The following ICA1 variants were observed in gnomAD, a reference collection of about 807,000 sequenced individuals.
ICA1 encodes 69 kDa islet cell autoantigen.
Under a neutral mutation model 71.0 loss-of-function variants are expected in ICA1, and 40 were observed. The ratio of observed to expected loss-of-function variants is 0.56; its 90% CI spans 0.44 to 0.73. ICA1 has a LOEUF of 0.73. Among genes scored for constraint, ICA1 ranks in the 30% least tolerant of loss-of-function variants. The pLI is 0.00. For synonymous variants in ICA1, 207 were observed against 209.5 expected, an observed-to-expected ratio of 0.99 and a Z score of 0.10; for missense variants, 578 against 576.5, an observed-to-expected ratio of 1.00 and a Z score of -0.03.
intron 1 of ICA1, among the ~76,000 whole-genome samples, chr7:8,256,512 A>G (rs1385997456): frequency 6.6e-6 from 1 of 152,002 alleles, no homozygotes; most frequent in Non-Finnish European, 1.5e-5. Context: ...CCTTTGTCTG[A>G]TTGCCTAACT....
chr7:8,138,906 A>T (rs1352816370), intron 11 of ICA1, 25 bp from the exon 12 acceptor site: 2 of 1,602,982 alleles, frequency 1.2e-6, no homozygotes, highest in South Asian at 2.2e-5. Context: ...AAAGAAAACA[A>T]AATTATAAGT....
At chr7:8,154,671 T>A (rs1305683389) in intron 8 of ICA1, among the ~76,000 whole-genome samples, 1 of 152,174 alleles carries the variant, frequency 6.6e-6, no homozygotes, top group African/African-American at 2.4e-5. Flanking sequence ...CAGAGTGCCA[T>A]TCAGAATAAA....
chr7:8,143,785 G>C, intron 9 of ICA1, 90 bp downstream of exon 9: 2 of 788,284 alleles, frequency 2.5e-6, no homozygotes, highest in Non-Finnish European at 4.4e-6. Flanking sequence ...ACAAGTCTGC[G>C]TCTGAGGCCC....
In ICA1 at chr7:8,216,923, C is replaced by G. The variant is rs148325854; in HGVS notation, c.579+1382G>C. 3.1e-3 allele frequency among the ~76,000 whole-genome samples: 479 copies of G among 152,350 alleles called. 3 individuals are homozygous for G. Among genetic ancestry groups the G allele is most frequent in the African/African-American group, 0.011 (462 of 41,578 alleles). ...TACAAATGATAAGCACTCTGCCCTG[C>G]AGGCAATTTTTTTCACCCTCTTCAT... is the stretch of plus-strand genomic sequence containing the variant. On this transcript the variant is annotated intron_variant, in intron 6 of 13. Transcript: ENST00000402384.
chr7:8,155,782 G>A (rs1801278617), intron 8 of ICA1, among the ~76,000 whole-genome samples: 1 of 152,114 alleles, frequency 6.6e-6, no homozygotes, highest in African/African-American at 2.4e-5. Context: ...TAACCAATCT[G>A]CCTTGGTCAG....
chr7:8,195,573 A>G (rs1386817060), intron 6 of ICA1, among the ~76,000 whole-genome samples: 1 of 151,948 alleles, frequency 6.6e-6, no homozygotes, highest in African/African-American at 2.4e-5. Flanking sequence ...AACAAAAACA[A>G]AAACAAAAAC....
At position 8,158,993 on chromosome 7, in the gene ICA1, T is replaced by C. The variant is rs115215057; in HGVS notation, c.580-341A>G. Among the ~76,000 whole-genome samples, 1,286 of 152,316 alleles carry C rather than the reference T, an allele frequency of 8.4e-3. 20 individuals carry two copies. The highest frequency in any genetic ancestry group is 0.029 in the African/African-American group (1,206 of 41,568). On this transcript the variant is annotated intron_variant, in intron 6 of 13. Transcript: ENST00000402384. The stretch of plus-strand genomic sequence containing the variant: ...TGAGGAAATCAGCTTTGCTCCATTG[T>C]TTTCCTACAGTCTTTAGAAGCTGAG...
At chr7:8,259,425 G>T (rs1260312635) in intron 1 of ICA1, among the ~76,000 whole-genome samples, 1 of 152,098 alleles carries the variant, frequency 6.6e-6, no homozygotes, top group African/African-American at 2.4e-5. Flanking sequence ...AAAGCCCAGG[G>T]TCTTAGTATT....
intron 10 of ICA1, 43 bp downstream of exon 10, chr7:8,141,722 A>C: frequency 8.3e-7 from 1 of 1,207,458 alleles, no homozygotes; most frequent in Non-Finnish European, 1.2e-6. Flanking sequence ...TTAAGCATTA[A>C]GTAATATTTC....
intron 6 of ICA1, among the ~76,000 whole-genome samples, chr7:8,175,777 A>G (rs1780422007): frequency 6.6e-6 from 1 of 152,196 alleles, no homozygotes; most frequent in South Asian, 2.1e-4. Flanking sequence ...CCTCATGGTC[A>G]TTTTCTAGGA....
At chr7:8,230,750 A>G (rs1800022415) in intron 3 of ICA1, among the ~76,000 whole-genome samples, 1 of 152,248 alleles carries the variant, frequency 6.6e-6, no homozygotes, top group African/African-American at 2.4e-5. Flanking sequence ...CAATCGAAAC[A>G]GATGCTTCCT....
At chr7:8,250,504 T>A (rs1239189256) in intron 1 of ICA1, among the ~76,000 whole-genome samples, 2 of 152,168 alleles carry the variant, frequency 1.3e-5, no homozygotes, top group Admixed American at 6.6e-5. Flanking sequence ...TTTTCCTACC[T>A]CTGAGATATC....
intron 6 of ICA1, among the ~76,000 whole-genome samples, chr7:8,205,497 A>ATGTG (rs1397267298): frequency 1.3e-5 from 2 of 152,144 alleles, no homozygotes; most frequent in Non-Finnish European, 2.9e-5. Context: ...ACACAAAAAG[A>ATGTG]TGTGTGGTTT....
At chr7:8,145,034 G>A (rs770798107) in intron 8 of ICA1, among the ~76,000 whole-genome samples, 4 of 152,090 alleles carry the variant, frequency 2.6e-5, no homozygotes, top group Non-Finnish European at 5.9e-5. Flanking sequence ...ATTGATTTTG[G>A]TGTCTGCCAT....
intron 6 of ICA1, among the ~76,000 whole-genome samples, chr7:8,191,411 A>C (rs1234570105): frequency 6.6e-6 from 1 of 152,192 alleles, no homozygotes; most frequent in Non-Finnish European, 1.5e-5. Flanking sequence ...AAGTACGCAA[A>C]CAACCACTCT....
chr7:8,231,291 T>C (rs1032779522), intron 3 of ICA1, among the ~76,000 whole-genome samples: 2 of 151,746 alleles, frequency 1.3e-5, no homozygotes, highest in African/African-American at 4.8e-5. Flanking sequence ...AATGTAAGCG[T>C]GTGGGAGAGA....
chr7:8,207,559 A>G (rs1038443482), intron 6 of ICA1, among the ~76,000 whole-genome samples: 3 of 152,262 alleles, frequency 2.0e-5, no homozygotes, highest in African/African-American at 7.2e-5. Context: ...CATATTTTTA[A>G]AGCTGTTTTC....
chr7:8,233,430 G>C (rs1269185883), intron 2 of ICA1, among the ~76,000 whole-genome samples: 1 of 143,454 alleles, frequency 7.0e-6, no homozygotes, highest in African/African-American at 2.6e-5. Context: ...TTTCACTCCT[G>C]TTGCCCAGAC....
chr7:8,128,059 C>T lies in ICA1; in HGVS notation c.1144G>A (p.Ala382Thr). ...DLLLLSEIFN[A>T]SSLEEGEFSK... The stretch of plus-strand genomic sequence containing the variant: ...AACTCGCCCTCTTCCAAGGAGGAAG[C>T]ATTGAAGATCTCACTCAACAGCAGC... Residue 382 changes from alanine (A) to threonine (T), a missense_variant, in exon 13 of 14, where the codon GCT becomes ACT. Physicochemically the swap from Ala to Thr is moderately conservative, Grantham distance 58. Coordinates refer to ENST00000402384, the MANE Select transcript of ICA1 (RefSeq NM_001136020.3). 6.2e-7 allele frequency: 1 copy of T among 1,614,220 alleles called. No individual in the cohort carries two copies. The highest frequency in any genetic ancestry group is 8.5e-7 in the Non-Finnish European group (1 of 1,180,036).
Sources: gnomAD v4.1 joint callset for allele counts (sites outside exome capture counted in the v4.1 genomes callset) on GRCh38, gnomAD v4.1.1 for gene constraint, MANE v1.5 for transcripts, NCBI Gene and HGNC (gene_info 2026-07-23, HGNC 2026-07-21) for gene names.